Variants in EPSTI1 observed in about 807,000 individuals in gnomAD.
The protein encoded by EPSTI1 is epithelial stromal interaction 1.
EPSTI1 carries 66 observed loss-of-function variants against 49.9 expected under a neutral mutation model. The ratio of observed to expected loss-of-function variants is 1.32; its 90% CI spans 1.08 to 1.62. EPSTI1 has a LOEUF of 1.62. EPSTI1 is among the 40% of genes most tolerant of loss of function. The pLI is 0.00. For missense variants in EPSTI1, 394 were observed against 365.5 expected (o/e 1.08, Z -0.64); for synonymous variants, 137 against 130.7 (o/e 1.05, Z -0.33).
chr13:42,921,829 G>T (rs955254434), intron 7 of EPSTI1, among the ~76,000 whole-genome samples: 3 of 151,516 alleles, frequency 2.0e-5, no homozygotes, highest in African/African-American at 7.3e-5. Flanking sequence ...ACCCAGGACA[G>T]GTTAAAGCAG....
intron 8 of EPSTI1, among the ~76,000 whole-genome samples, chr13:42,910,415 C>A (rs2037635633): frequency 6.6e-6 from 1 of 151,888 alleles, no homozygotes; most frequent in Non-Finnish European, 1.5e-5. Flanking sequence ...GCACCTGCCA[C>A]CACACCTGGC....
rs568562191 is a variant in EPSTI1, at chr13:42,942,843, C to T, written c.563+11105G>A. The stretch of plus-strand genomic sequence containing the variant: ...AGCTGGGACTACAGGCGCCCGCCAC[C>T]GCGCCCGGCTAATTTTTTGTATTTT... On this transcript the variant is annotated intron_variant, in intron 6 of 10. Transcript: ENST00000313624. 1.5e-3 allele frequency among the ~76,000 whole-genome samples: 225 copies of T among 151,596 alleles called. 3 individuals carry two copies. The East Asian group carries it at 0.017, about 12-fold the overall frequency.
Position 42,888,381 on chromosome 13 carries a change from CAG to C in EPSTI1, c.*111_*112del. ...CTGACTGCACGGTCAAGTGTGTGGGCAGTTGAAATTAAGGTAAAAACAGTGAG... is the reference window on the plus strand; with the variant it reads ...CTGACTGCACGGTCAAGTGTGTGGGCTTGAAATTAAGGTAAAAACAGTGAG... On this transcript the variant is annotated 3_prime_UTR_variant, in exon 11 of 11. Transcript: ENST00000313624. The C allele has an allele frequency of 6.2e-7, 1 of 1,614,134 alleles. No individual in the cohort carries two copies. The highest frequency in any genetic ancestry group is 8.5e-7 in the Non-Finnish European group (1 of 1,180,020).
intron 1 of EPSTI1, among the ~76,000 whole-genome samples, chr13:42,972,246 C>T (rs1452973329): frequency 2.6e-5 from 4 of 152,188 alleles, no homozygotes; most frequent in Non-Finnish European, 5.9e-5. Context: ...ATCAGTAGTT[C>T]TCAGCCTTTA....
rs138917626 is a variant in EPSTI1, at chr13:42,929,033, A to G, written c.564-2604T>C. On this transcript the variant is annotated intron_variant, in intron 6 of 10. Coordinates refer to ENST00000313624, the MANE Select transcript of EPSTI1 (RefSeq NM_033255.5). ...GCCTTTCAAATTATGACACAATGGT[A>G]TTTTAAAAAGCAGTCTATGCTTTTT... Among the ~76,000 whole-genome samples, 1,051 of 152,312 alleles carry G rather than the reference A, an allele frequency of 6.9e-3. 4 individuals carry two copies. Among genetic ancestry groups the G allele is most frequent in the Non-Finnish European group, 0.01 (699 of 68,024 alleles).
At chr13:42,974,693 C>G (rs900845221) in intron 1 of EPSTI1, among the ~76,000 whole-genome samples, 3 of 152,008 alleles carry the variant, frequency 2.0e-5, no homozygotes, top group Admixed American at 2.0e-4. Flanking sequence ...TGCGAGGTCT[C>G]TCGAGTTACA....
chr13:42,913,822 G>A (rs1361328468), intron 8 of EPSTI1, among the ~76,000 whole-genome samples: 1 of 152,218 alleles, frequency 6.6e-6, no homozygotes, highest in Non-Finnish European at 1.5e-5. Context: ...ATGTTGAATT[G>A]TAATCCCCAA....
intron 1 of EPSTI1, among the ~76,000 whole-genome samples, chr13:42,989,032 ATTTTTTTTTTTT>A (rs74772535): frequency 1.0e-5 from 1 of 96,124 alleles, no homozygotes. Flanking sequence ...GATAATTTAA[ATTTTTTTTTTTT>A]TTTTTTTTTT....
At chr13:42,978,085 G>A (rs1248250668) in intron 1 of EPSTI1, among the ~76,000 whole-genome samples, 3 of 151,962 alleles carry the variant, frequency 2.0e-5, no homozygotes, top group African/African-American at 7.3e-5. Context: ...CCCGGGAGGC[G>A]GAGCTTGCAG....
chr13:42,911,854 T>G (rs1336544197), intron 8 of EPSTI1, among the ~76,000 whole-genome samples: 2 of 152,208 alleles, frequency 1.3e-5, no homozygotes, highest in East Asian at 3.8e-4. Context: ...TTGTTTTTGT[T>G]CTAAATTCGT....
At chr13:42,978,295 A>G (rs899326623) in intron 1 of EPSTI1, among the ~76,000 whole-genome samples, 2 of 152,268 alleles carry the variant, frequency 1.3e-5, no homozygotes, top group Non-Finnish European at 2.9e-5. Flanking sequence ...ACATCAAACA[A>G]CATATGTAAG....
chr13:42,985,333 G>A (rs1026207633), intron 1 of EPSTI1, among the ~76,000 whole-genome samples: 1 of 152,222 alleles, frequency 6.6e-6, no homozygotes, highest in Non-Finnish European at 1.5e-5. Context: ...GGTAGAATCA[G>A]TCCAAGGCTG....
At chr13:42,949,122 A>G (rs923283821) in intron 6 of EPSTI1, among the ~76,000 whole-genome samples, 1 of 152,218 alleles carries the variant, frequency 6.6e-6, no homozygotes, top group African/African-American at 2.4e-5. Context: ...GCAGACCCTG[A>G]AGGAAATAAA....
chr13:42,980,646 A>C (rs1475017187), intron 1 of EPSTI1, among the ~76,000 whole-genome samples: 2 of 152,204 alleles, frequency 1.3e-5, no homozygotes, highest in African/African-American at 4.8e-5. Context: ...TATGGGAGCT[A>C]CAATTCAAGA....
intron 1 of EPSTI1, among the ~76,000 whole-genome samples, chr13:42,982,789 G>C (rs1037586311): frequency 2.1e-4 from 28 of 136,520 alleles, no homozygotes; most frequent in African/African-American, 6.3e-4. Context: ...CCTGAAGCAA[G>C]CCATAAAAAA....
rs1181691938 is a variant in EPSTI1 at position 42,888,134 on chromosome 13, A to G, written c.*360T>C. ...CAAAACCTGATCTGAGAATTAGATA[A>G]GAATATGTCACTTAGAAAGACAAGC... On this transcript the variant is annotated 3_prime_UTR_variant, in exon 11 of 11. Transcript: ENST00000313624. 1.0e-5 allele frequency: 13 copies of G among 1,240,658 alleles called. No individual in the cohort carries two copies. The highest frequency in any genetic ancestry group is 1.7e-5 in the South Asian group (1 of 59,646). The allele number at this position is 1,240,658 out of a possible 1,614,324, so 76.9% of individuals were successfully genotyped here. A position where few individuals can be genotyped will look rare whatever the true frequency, so the allele number is the denominator to read the frequency against.
intron 5 of EPSTI1, 133 bp downstream of exon 5, chr13:42,963,122 A>G (rs1165543658): frequency 2.7e-6 from 2 of 751,310 alleles, no homozygotes; most frequent in Non-Finnish European, 4.4e-6. Context: ...GGATGAGGAA[A>G]AGAAGAGTGG....
chr13:42,968,750 C>A (rs1311719545), intron 3 of EPSTI1, among the ~76,000 whole-genome samples: 1 of 152,098 alleles, frequency 6.6e-6, no homozygotes, highest in Non-Finnish European at 1.5e-5. Flanking sequence ...AGCATTTACT[C>A]CCATCCTGAC....
chr13:42,946,703 C>T (rs1291366018), intron 6 of EPSTI1, among the ~76,000 whole-genome samples: 2 of 152,218 alleles, frequency 1.3e-5, no homozygotes, highest in Non-Finnish European at 2.9e-5. Flanking sequence ...CAATAGTCCT[C>T]TCCACAGGTA....
Sources: allele counts gnomAD v4.1 joint callset (sites outside exome capture counted in the v4.1 genomes callset), GRCh38; gene constraint gnomAD v4.1.1; transcripts MANE v1.5; gene names NCBI Gene and HGNC (gene_info 2026-07-23, HGNC 2026-07-21).